The following CA10 variants were observed in gnomAD, a reference collection of about 807,000 sequenced individuals.
CA10 encodes the protein carbonic anhydrase-related protein 10.
CA10 carries 14 observed loss-of-function variants against 44.2 expected under a neutral mutation model. The observed-to-expected ratio is 0.32, with a 90% confidence interval of 0.21 to 0.50. The LOEUF is 0.50. CA10 is among the 20% of genes least tolerant of loss of function. CA10 has a pLI of 0.99. For synonymous variants in CA10, 159 were observed against 141.6 expected (o/e 1.12, Z -0.87); for missense variants, 350 against 409.7 (o/e 0.85, Z 1.26).
At chr17:52,151,177 C>T (rs548985348) in intron 1 of CA10, among the ~76,000 whole-genome samples, 24 of 152,218 alleles carry the variant, frequency 1.6e-4, no homozygotes, top group African/African-American at 5.8e-4. Flanking sequence ...AAGGTAAGGT[C>T]TAATCTTATT....
At chr17:52,157,637 T>C (rs2143431472) in intron 1 of CA10, 89 bp downstream of exon 1, 1 of 1,205,762 alleles carries the variant, frequency 8.3e-7, no homozygotes, top group South Asian at 1.2e-5. Flanking sequence ...CCCCTCTCTC[T>C]GCCCCGCGGC....
intron 1 of CA10, among the ~76,000 whole-genome samples, chr17:52,112,419 G>A (rs1232361267): frequency 1.3e-5 from 2 of 152,148 alleles, no homozygotes; most frequent in Admixed American, 1.3e-4. Flanking sequence ...TATTGCCTAT[G>A]CTTCTTTTAG....
intron 2 of CA10, among the ~76,000 whole-genome samples, chr17:51,984,220 A>C (rs1984750101): frequency 6.6e-6 from 1 of 151,872 alleles, no homozygotes; most frequent in South Asian, 2.1e-4. Flanking sequence ...AATAAGAAGA[A>C]ACCATGCAAA....
chr17:51,829,711 C>G (rs950731428), intron 3 of CA10, among the ~76,000 whole-genome samples: 1 of 152,126 alleles, frequency 6.6e-6, no homozygotes, highest in Non-Finnish European at 1.5e-5. Context: ...AATTATCACC[C>G]CAGTTTTTCA....
At chr17:51,654,338 GTTAC>G (rs564693402) in intron 4 of CA10, among the ~76,000 whole-genome samples, 30 of 152,232 alleles carry the variant, frequency 2.0e-4, no homozygotes, top group Non-Finnish European at 2.6e-4. Flanking sequence ...CCTTTTTCCT[GTTAC>G]TTAATTTTTT....
intron 4 of CA10, among the ~76,000 whole-genome samples, chr17:51,738,562 T>A (rs187718580): frequency 1.3e-5 from 2 of 152,346 alleles, no homozygotes; most frequent in East Asian, 3.9e-4. Context: ...TTTATCTCAA[T>A]CAGGCACTAT....
chr17:51,673,868 G>C (rs1200443431), intron 4 of CA10, among the ~76,000 whole-genome samples: 1 of 152,052 alleles, frequency 6.6e-6, no homozygotes, highest in Non-Finnish European at 1.5e-5. Flanking sequence ...TCACCTCCCT[G>C]CCCAGCCCAC....
chr17:51,778,156 C>A (rs533427899), intron 3 of CA10, among the ~76,000 whole-genome samples: 2 of 152,266 alleles, frequency 1.3e-5, no homozygotes, highest in South Asian at 4.1e-4. Context: ...AGAAAGTGCA[C>A]TCTCATTCTA....
chr17:51,742,722 T>A (rs1389617985), intron 4 of CA10, among the ~76,000 whole-genome samples: 1 of 152,170 alleles, frequency 6.6e-6, no homozygotes. Flanking sequence ...ATGAAACACA[T>A]CCTATCTATA....
intron 1 of CA10, among the ~76,000 whole-genome samples, chr17:52,098,105 C>G (rs1200457886): frequency 2.0e-5 from 3 of 152,170 alleles, no homozygotes; most frequent in Non-Finnish European, 4.4e-5. Flanking sequence ...ACTGCTGTTA[C>G]ATATTTGACT....
At chr17:52,118,964 A>C (rs1039194175) in intron 1 of CA10, among the ~76,000 whole-genome samples, 1 of 152,184 alleles carries the variant, frequency 6.6e-6, no homozygotes, top group African/African-American at 2.4e-5. Flanking sequence ...TGAATTCATG[A>C]AGAGCTGAAA....
chr17:52,093,060 T>G (rs533120765), intron 1 of CA10, among the ~76,000 whole-genome samples: 1 of 152,276 alleles, frequency 6.6e-6, no homozygotes, highest in African/African-American at 2.4e-5. Flanking sequence ...TGTTTATATG[T>G]TGTTTCACTT....
chr17:52,013,588 G>A (rs1422493693), intron 2 of CA10, among the ~76,000 whole-genome samples: 2 of 151,634 alleles, frequency 1.3e-5, no homozygotes, highest in African/African-American at 2.4e-5. Context: ...GAAGAGATAT[G>A]GAACATAGAA....
chr17:51,896,399 T>C (rs1487760144), intron 3 of CA10, among the ~76,000 whole-genome samples: 4 of 152,118 alleles, frequency 2.6e-5, no homozygotes, highest in Admixed American at 6.6e-5. Flanking sequence ...GCTCTATCCA[T>C]GTTACTGCAA....
intron 1 of CA10, among the ~76,000 whole-genome samples, chr17:52,111,111 A>G (rs2143284498): frequency 6.6e-6 from 1 of 152,282 alleles, no homozygotes; most frequent in South Asian, 2.1e-4. Flanking sequence ...ATCTTTGGAG[A>G]CAGCTGTCAC....
At chr17:51,953,363 G>A (rs1445290141) in intron 2 of CA10, among the ~76,000 whole-genome samples, 3 of 151,444 alleles carry the variant, frequency 2.0e-5, no homozygotes, top group African/African-American at 7.3e-5. Flanking sequence ...ACTTTAAATT[G>A]TATTCCATTA....
At chr17:51,702,680 C>T (rs1597995746) in intron 4 of CA10, among the ~76,000 whole-genome samples, 1 of 152,096 alleles carries the variant, frequency 6.6e-6, no homozygotes, top group African/African-American at 2.4e-5. Flanking sequence ...CTGCCATGGC[C>T]ACCCTGGAAG....
At chr17:52,065,814 T>TGC (rs1276043318) in intron 2 of CA10, among the ~76,000 whole-genome samples, 1 of 152,196 alleles carries the variant, frequency 6.6e-6, no homozygotes, top group African/African-American at 2.4e-5. Context: ...GGTTTGGCTG[T>TGC]GCCCCCAGCC....
intron 6 of CA10, among the ~76,000 whole-genome samples, chr17:51,646,566 G>A (rs566187780): frequency 6.6e-6 from 1 of 152,102 alleles, no homozygotes. Flanking sequence ...GGCCCCCTGA[G>A]TTTTCTTCAT....
Sources: gnomAD v4.1 joint callset for allele counts (sites outside exome capture counted in the v4.1 genomes callset) on GRCh38, gnomAD v4.1.1 for gene constraint, MANE v1.5 for transcripts, NCBI Gene and HGNC (gene_info 2026-07-23, HGNC 2026-07-21) for gene names.